The following NCOA2 variants were observed in gnomAD, a reference collection of about 807,000 sequenced individuals.
The protein encoded by NCOA2 is class E basic helix-loop-helix protein 75.
A neutral mutation model predicts 145.1 loss-of-function variants in NCOA2; 21 were observed. That is an observed-to-expected ratio of 0.14 (90% CI 0.10 to 0.21). The LOEUF is 0.21. Among genes scored for constraint, NCOA2 ranks in the 10% least tolerant of loss-of-function variants. NCOA2 has a pLI of 1.00. For missense variants in NCOA2, 1,472 were observed against 1,837.6 expected, an observed-to-expected ratio of 0.80 and a Z score of 3.64; for synonymous variants, 619 against 637.5, an observed-to-expected ratio of 0.97 and a Z score of 0.44.
intron 2 of NCOA2, among the ~76,000 whole-genome samples, chr8:70,267,577 T>C (rs1446733703): frequency 6.6e-6 from 1 of 151,968 alleles, no homozygotes; most frequent in Admixed American, 6.6e-5. Context: ...TTTTATTTTT[T>C]ATTTTTTATT....
At chr8:70,187,797 T>C (rs1816241883) in intron 4 of NCOA2, among the ~76,000 whole-genome samples, 2 of 151,322 alleles carry the variant, frequency 1.3e-5, no homozygotes, top group African/African-American at 4.9e-5. Context: ...TCTACAACCA[T>C]TCAAATAATG....
chr8:70,280,140 G>C (rs947347849), intron 2 of NCOA2, among the ~76,000 whole-genome samples: 1 of 152,128 alleles, frequency 6.6e-6, no homozygotes, highest in African/African-American at 2.4e-5. Context: ...ATAGTTTAAA[G>C]CTCAGACAAA....
At chr8:70,251,445 AG>A (rs1249741976) in intron 2 of NCOA2, among the ~76,000 whole-genome samples, 4 of 152,240 alleles carry the variant, frequency 2.6e-5, no homozygotes, top group Non-Finnish European at 5.9e-5. Context: ...ACTTCATCCA[AG>A]GATTTCAGAG....
intron 2 of NCOA2, among the ~76,000 whole-genome samples, chr8:70,275,818 G>A: frequency 6.6e-6 from 1 of 152,196 alleles, no homozygotes; most frequent in East Asian, 1.9e-4. Context: ...ATTTTTAAAA[G>A]TGCACTGAAA....
chr8:70,233,527 G>T (rs939046886), intron 2 of NCOA2, among the ~76,000 whole-genome samples: 1 of 152,028 alleles, frequency 6.6e-6, no homozygotes, highest in East Asian at 1.9e-4. Flanking sequence ...CAAAGATATT[G>T]TATCTCTTCC....
At chr8:70,412,196 G>C in the NCOA2 span, among the ~76,000 whole-genome samples, 2 of 152,070 alleles carry the variant, frequency 1.3e-5, no homozygotes, top group Non-Finnish European at 2.9e-5. Context: ...AGTAGCTTGA[G>C]CCTAGGAGTT....
Position 70,124,100 on chromosome 8 carries a change from G to C in NCOA2, c.4095-18C>G, listed in dbSNP as rs761819211. 2 of 1,608,098 alleles carry C rather than the reference G, an allele frequency of 1.2e-6. No individual in the cohort carries two copies. The highest frequency in any genetic ancestry group is 2.7e-5 in the African/African-American group (2 of 74,900). On this transcript the variant is annotated intron_variant, in intron 20 of 22. Coordinates refer to ENST00000452400, the MANE Select transcript of NCOA2 (RefSeq NM_006540.4). ...AAAACATGCTGGAATACAATGGAAA[G>C]ATTGAATGAATGTTACAGCTTGCTG...
intron 1 of NCOA2, among the ~76,000 whole-genome samples, chr8:70,359,099 G>T (rs1174852280): frequency 6.6e-6 from 1 of 152,158 alleles, no homozygotes. Context: ...TGTTGGTGAG[G>T]ATGTAGCGAA....
chr8:70,207,023 T>TC (rs1417973586), intron 4 of NCOA2, among the ~76,000 whole-genome samples: 6 of 152,172 alleles, frequency 3.9e-5, no homozygotes, highest in Non-Finnish European at 8.8e-5. Flanking sequence ...AAGCTGATTT[T>TC]CCCCCAAATG....
intron 4 of NCOA2, among the ~76,000 whole-genome samples, chr8:70,207,862 CAAAAAAA>C (rs754670876): frequency 3.0e-4 from 11 of 36,210 alleles, no homozygotes; most frequent in African/African-American, 8.7e-4. Flanking sequence ...GACTCCACCT[CAAAAAAA>C]AAAAAAAAAA....
At chr8:70,454,120 T>C in the NCOA2 span, among the ~76,000 whole-genome samples, 1 of 152,240 alleles carries the variant, frequency 6.6e-6, no homozygotes, top group Non-Finnish European at 1.5e-5. Flanking sequence ...TTATCTGTAT[T>C]ATAAGATTCT....
intron 4 of NCOA2, among the ~76,000 whole-genome samples, chr8:70,196,763 AT>A (rs554157416): frequency 1.6e-4 from 24 of 152,326 alleles, no homozygotes; most frequent in Non-Finnish European, 2.5e-4. Flanking sequence ...GTGGAACAAC[AT>A]TTTCTGTCTT....
intron 2 of NCOA2, among the ~76,000 whole-genome samples, chr8:70,218,024 G>T (rs918095165): frequency 4.6e-5 from 7 of 151,798 alleles, no homozygotes; most frequent in African/African-American, 1.7e-4. Flanking sequence ...AGAACTTAAG[G>T]AAGATGACAG....
At position 70,174,814 on chromosome 8, in the gene NCOA2, A is replaced by C; in HGVS notation, c.305T>G (p.Val102Gly). Residue 102 changes from valine (V) to glycine (G), a missense_variant, in exon 5 of 23, where the codon GTA becomes GGA. By Grantham distance (109) the Val-to-Gly change is moderately radical. Transcript: ENST00000452400. ...GATGACACCCTGCCCTGTAGAGGAT[A>C]CATCTGACTTCTGCACTTCATCTAT... ...ANIDEVQKSDVSSTGQGVIDK... is the reference protein window; with the variant it reads ...ANIDEVQKSDGSSTGQGVIDK... 6.2e-7 allele frequency: 1 copy of C among 1,613,772 alleles called. No individual in the cohort carries two copies. The highest frequency in any genetic ancestry group is 8.5e-7 in the Non-Finnish European group (1 of 1,179,712).
chr8:70,439,717 C>T, the NCOA2 span, among the ~76,000 whole-genome samples: 30,841 of 152,064 alleles, frequency 0.2, 3,517 homozygotes, highest in South Asian at 0.39. Flanking sequence ...GCCCACCTGG[C>T]TCAGTTTACA....
At chr8:70,398,121 C>A (rs1305572086) in intron 1 of NCOA2, among the ~76,000 whole-genome samples, 1 of 152,014 alleles carries the variant, frequency 6.6e-6, no homozygotes, top group Non-Finnish European at 1.5e-5. Flanking sequence ...ATGAATGAAG[C>A]AATAGTAAAG....
intron 4 of NCOA2, among the ~76,000 whole-genome samples, chr8:70,193,607 C>G (rs1816937086): frequency 6.6e-6 from 1 of 152,150 alleles, no homozygotes; most frequent in Admixed American, 6.5e-5. Flanking sequence ...AGATGGTCTA[C>G]CAGAGGAAAA....
At chr8:70,395,523 C>T (rs1398432789) in intron 1 of NCOA2, among the ~76,000 whole-genome samples, 3 of 152,176 alleles carry the variant, frequency 2.0e-5, no homozygotes, top group Non-Finnish European at 4.4e-5. Context: ...ACGGAATTTC[C>T]GTATTCCTTA....
intron 2 of NCOA2, among the ~76,000 whole-genome samples, chr8:70,265,644 C>A (rs145658528): frequency 6.6e-6 from 1 of 152,274 alleles, no homozygotes; most frequent in East Asian, 1.9e-4. Flanking sequence ...TAATCAGGTT[C>A]TGACAAATCT....
Sources: allele counts gnomAD v4.1 joint callset (sites outside exome capture counted in the v4.1 genomes callset), GRCh38; gene constraint gnomAD v4.1.1; transcripts MANE v1.5; gene names NCBI Gene and HGNC (gene_info 2026-07-23, HGNC 2026-07-21).